The following SIPA1L3 variants were observed in gnomAD, a reference collection of about 807,000 sequenced individuals.
SIPA1L3 encodes signal induced proliferation associated 1 like 3.
A neutral mutation model predicts 150.1 loss-of-function variants in SIPA1L3; 59 were observed. The ratio of observed to expected loss-of-function variants is 0.39; its 90% CI spans 0.32 to 0.49. The LOEUF (loss-of-function observed/expected upper bound fraction) is 0.49. Ranked by LOEUF, SIPA1L3 falls within the 20% of genes least tolerant of loss-of-function variation. SIPA1L3 has a pLI of 0.86. For synonymous variants in SIPA1L3, 1,070 were observed against 1,077.6 expected, an observed-to-expected ratio of 0.99 and a Z score of 0.14; for missense variants, 2,211 against 2,489.5, an observed-to-expected ratio of 0.89 and a Z score of 2.38.
chr19:38,090,599 A>G (rs554976005), intron 4 of SIPA1L3, among the ~76,000 whole-genome samples: 1 of 152,366 alleles, frequency 6.6e-6, no homozygotes, highest in South Asian at 2.1e-4. Flanking sequence ...AGAGAGGCCC[A>G]GAAGACCCAA....
At chr19:38,123,726 C>G (rs1003790802) in intron 9 of SIPA1L3, among the ~76,000 whole-genome samples, 1 of 152,130 alleles carries the variant, frequency 6.6e-6, no homozygotes, top group African/African-American at 2.4e-5. Context: ...TCCCCCCTTT[C>G]TATTCCACAA....
chr19:38,055,110 C>G (rs893312589), intron 2 of SIPA1L3, among the ~76,000 whole-genome samples: 2 of 152,210 alleles, frequency 1.3e-5, no homozygotes, highest in African/African-American at 2.4e-5. Flanking sequence ...GGTGACCTCC[C>G]CTGCTGGCCT....
At chr19:37,988,963 G>A (rs73930326) in intron 1 of SIPA1L3, among the ~76,000 whole-genome samples, 226 of 152,214 alleles carry the variant, frequency 1.5e-3, no homozygotes, top group African/African-American at 5.2e-3. Context: ...CCCTCCCAGC[G>A]AGGCCTTCTT....
intron 1 of SIPA1L3, among the ~76,000 whole-genome samples, chr19:37,935,946 A>C (rs1291611188): frequency 6.6e-6 from 1 of 152,038 alleles, no homozygotes; most frequent in Non-Finnish European, 1.5e-5. Context: ...TCATTTTCTC[A>C]TGTAAGAAGT....
At chr19:38,099,885 C>A in intron 4 of SIPA1L3, 77 bp from the exon 5 acceptor site, 1 of 1,222,796 alleles carries the variant, frequency 8.2e-7, no homozygotes, top group Non-Finnish European at 1.1e-6. Flanking sequence ...TCTTTCAAAA[C>A]AAGATACCTC....
rs1030164873 is a variant in SIPA1L3, at chr19:38,047,835, G to T, written c.-311+18679G>T. Among the ~76,000 whole-genome samples, 1 of 152,244 alleles carries T rather than the reference G, an allele frequency of 6.6e-6. No individual in the cohort carries two copies. The highest frequency in any genetic ancestry group is 1.5e-5 in the Non-Finnish European group (1 of 68,052). On this transcript the variant is annotated intron_variant, in intron 2 of 21. Transcript: ENST00000222345. The surrounding 1 kb of genome is among the most constrained non-coding windows in gnomAD (Gnocchi z 4.7). ...ATTCAGGAACAGAGCAGCTGCAGGA[G>T]TGCCAGGCTGGGCTTTCTGGTCCTG...
chr19:38,148,467 G>A (rs572327167), intron 12 of SIPA1L3, among the ~76,000 whole-genome samples: 4 of 152,164 alleles, frequency 2.6e-5, no homozygotes, highest in South Asian at 2.1e-4. Context: ...CTCAAGTCAC[G>A]AGACAGAGGG....
At chr19:38,200,551 A>G (rs1349294033) in intron 19 of SIPA1L3, 2 of 152,120 alleles carry the variant, frequency 1.3e-5, no homozygotes, top group Non-Finnish European at 2.9e-5. Context: ...AGATGTCATT[A>G]TACATTAAAT....
intron 1 of SIPA1L3, among the ~76,000 whole-genome samples, chr19:37,923,919 A>G (rs142156463): frequency 1.3e-5 from 2 of 151,828 alleles, no homozygotes; most frequent in Non-Finnish European, 2.9e-5. Context: ...TCCAACTGTA[A>G]TCTAGTTTGT....
chr19:37,912,524 G>A (rs1348693842), intron 1 of SIPA1L3, among the ~76,000 whole-genome samples: 17 of 152,062 alleles, frequency 1.1e-4, no homozygotes, highest in Admixed American at 1.0e-3. Context: ...TAGAGACAGG[G>A]TCACTCTGTT....
At position 38,048,823 on chromosome 19, in the gene SIPA1L3, G is replaced by C. The variant is rs1476274112; in HGVS notation, c.-311+19667G>C. 2.0e-5 allele frequency among the ~76,000 whole-genome samples: 3 copies of C among 152,170 alleles called. No homozygotes were observed. The East Asian group carries it at 5.8e-4, about 29-fold the overall frequency. ...AAAAGGGGGCAGGCTGGGCGCGGTGGCTCACACCTGTAATCCCAGCACTTT... is the reference window on the plus strand; with the variant it reads ...AAAAGGGGGCAGGCTGGGCGCGGTGCCTCACACCTGTAATCCCAGCACTTT... On this transcript the variant is annotated intron_variant, in intron 2 of 21. Transcript: ENST00000222345.
At chr19:38,110,161 G>C in intron 7 of SIPA1L3, 66 bp from the exon 8 acceptor site, 1 of 1,525,664 alleles carries the variant, frequency 6.6e-7, no homozygotes, top group Non-Finnish European at 9.0e-7. Flanking sequence ...TGTGGCAGTG[G>C]TCCAGGCAGG....
chr19:38,090,428 C>G (rs954057864), intron 4 of SIPA1L3, among the ~76,000 whole-genome samples: 7 of 151,824 alleles, frequency 4.6e-5, no homozygotes, highest in African/African-American at 1.7e-4. Context: ...TCGCTGTGAT[C>G]AGGGGTGGTA....
chr19:38,179,907 A>C (rs905224055), intron 15 of SIPA1L3, among the ~76,000 whole-genome samples: 1 of 151,978 alleles, frequency 6.6e-6, no homozygotes, highest in African/African-American at 2.4e-5. Flanking sequence ...CAGTGGCGCA[A>C]TCTCAGCTCA....
chr19:38,139,809 G>T (rs1211138868), intron 10 of SIPA1L3, among the ~76,000 whole-genome samples: 1 of 152,196 alleles, frequency 6.6e-6, no homozygotes, highest in Non-Finnish European at 1.5e-5. Flanking sequence ...ATAGGGCCTG[G>T]TCTTTCTACT....
intron 15 of SIPA1L3, among the ~76,000 whole-genome samples, chr19:38,170,416 C>T (rs1191038115): frequency 2.0e-5 from 3 of 152,176 alleles, no homozygotes; most frequent in Non-Finnish European, 2.9e-5. Flanking sequence ...CATGTGCTGT[C>T]GTCAGAACGT....
chr19:38,162,051 C>T (rs915434617), intron 13 of SIPA1L3, among the ~76,000 whole-genome samples: 2 of 152,128 alleles, frequency 1.3e-5, no homozygotes, highest in African/African-American at 2.4e-5. Flanking sequence ...GGATATTGCA[C>T]GGCTTCAGTG....
At chr19:38,162,175 T>C in intron 13 of SIPA1L3, 78 bp from the exon 14 acceptor site, 1 of 1,110,376 alleles carries the variant, frequency 9.0e-7, no homozygotes, top group Non-Finnish European at 1.4e-6. Context: ...GAGCAGACAG[T>C]CTGGCAAAGG....
chr19:38,065,047 G>A (rs987861140), intron 2 of SIPA1L3, among the ~76,000 whole-genome samples: 1 of 152,188 alleles, frequency 6.6e-6, no homozygotes. Context: ...ATCTCTCTAC[G>A]CAGGCGTGTA....
Sources: allele counts gnomAD v4.1 joint callset (sites outside exome capture counted in the v4.1 genomes callset), GRCh38; gene constraint gnomAD v4.1.1; non-coding constraint Gnocchi (gnomAD v3.1); transcripts MANE v1.5; gene names NCBI Gene and HGNC (gene_info 2026-07-23, HGNC 2026-07-21).